Variants in LAMB1 observed in about 807,000 individuals in gnomAD.
LAMB1 encodes laminin subunit beta-1.
A neutral mutation model predicts 222.3 loss-of-function variants in LAMB1; 121 were observed. That is an observed-to-expected ratio of 0.54 (90% CI 0.47 to 0.63). LAMB1 has a LOEUF of 0.63. Ranked by LOEUF, LAMB1 falls within the 30% of genes least tolerant of loss-of-function variation. The pLI, the probability that LAMB1 is intolerant of heterozygous loss-of-function variation, is 0.00. For synonymous variants in LAMB1, 794 were observed against 807.2 expected (o/e 0.98, Z 0.28); for missense variants, 2,172 against 2,240.8 (o/e 0.97, Z 0.62).
At chr7:107,930,509 T>G (rs2032680754) in intron 29 of LAMB1, among the ~76,000 whole-genome samples, 1 of 152,246 alleles carries the variant, frequency 6.6e-6, no homozygotes, top group Non-Finnish European at 1.5e-5. Context: ...GGTAAAATTA[T>G]CAACCCAGCA....
At chr7:107,959,539 C>G in intron 19 of LAMB1, 59 bp from the exon 20 acceptor site, 1 of 1,607,452 alleles carries the variant, frequency 6.2e-7, no homozygotes. Context: ...GAAACATGCT[C>G]CTTTTATAAG....
In LAMB1 at chr7:107,972,985, C is replaced by A; in HGVS notation, c.1562+7G>T. 6.2e-7 allele frequency: 1 copy of A among 1,608,230 alleles called. No individual in the cohort carries two copies. The highest frequency in any genetic ancestry group is 8.5e-7 in the Non-Finnish European group (1 of 1,174,644). On this transcript the variant is annotated splice_region_variant and intron_variant, in intron 13 of 33. Transcript: ENST00000222399. ...GAGGACAAGAGCATACGTAGAGCTC[C>A]ATTTACCTGTTGTTTAAGGCTCCCC...
chr7:107,992,593 G>C (rs1438623248), intron 5 of LAMB1, among the ~76,000 whole-genome samples: 1 of 152,176 alleles, frequency 6.6e-6, no homozygotes, highest in Non-Finnish European at 1.5e-5. Flanking sequence ...GATTATCCCA[G>C]TTCCCAGAAC....
intron 24 of LAMB1, among the ~76,000 whole-genome samples, chr7:107,950,566 T>G (rs990377254): frequency 6.6e-6 from 1 of 152,230 alleles, no homozygotes; most frequent in African/African-American, 2.4e-5. Flanking sequence ...GTTTGTTTGT[T>G]TAATCATAAG....
chr7:108,003,080 GA>G, intron 1 of LAMB1, 30 bp downstream of exon 1: 1 of 1,235,024 alleles, frequency 8.1e-7, no homozygotes, highest in Non-Finnish European at 1.1e-6. Context: ...GGAAAGTGGG[GA>G]AAATCGTGCA....
chr7:107,942,555 C>A (rs1028423588), intron 24 of LAMB1: 1 of 152,168 alleles, frequency 6.6e-6, no homozygotes, highest in Non-Finnish European at 1.5e-5. Flanking sequence ...GGTGGTAAAT[C>A]CTGCCTTCTC....
In LAMB1 at chr7:107,984,081, A is replaced by C. The variant is rs138562805; in HGVS notation, c.676+1941T>G. 6.6e-3 allele frequency among the ~76,000 whole-genome samples: 1,012 copies of C among 152,248 alleles called. 6 individuals are homozygous for C. Among genetic ancestry groups the C allele is most frequent in the Non-Finnish European group, 1.0e-2 (679 of 68,024 alleles). On this transcript the variant is annotated intron_variant, in intron 7 of 33. Coordinates refer to ENST00000222399, the MANE Select transcript of LAMB1 (RefSeq NM_002291.3). ...TGGCAGAGACTTCTGATTTCTCTTC[A>C]GTATTCTTTCTTCCCTTGTTCCTTT... is the stretch of plus-strand genomic sequence containing the variant.
At position 107,980,859 on chromosome 7, in the gene LAMB1, AG is replaced by A. The variant is rs776525991; in HGVS notation, c.677-49del. The stretch of plus-strand genomic sequence containing the variant: ...GAAAAGTCTGATCAGACAAGCAAGA[AG>A]TTTTTTTTTTTTTCCTTGCATCATT... On this transcript the variant is annotated intron_variant, in intron 7 of 33. Transcript: ENST00000222399. 8 of 1,221,504 alleles carry A rather than the reference AG, an allele frequency of 6.5e-6. No individual in the cohort carries two copies. The Admixed American group carries it at 1.4e-4, about 22-fold the overall frequency. The allele number at this position is 1,221,504 out of a possible 1,614,324, so 75.7% of individuals were successfully genotyped here. A position where few individuals can be genotyped will look rare whatever the true frequency, so the allele number is the denominator to read the frequency against.
intron 15 of LAMB1, 23 bp downstream of exon 15, chr7:107,962,874 CCTCCACCA>C (rs770324586): frequency 1.9e-6 from 3 of 1,593,074 alleles, no homozygotes; most frequent in Non-Finnish European, 2.6e-6. Flanking sequence ...TCCCCTCCCT[CCTCCACCA>C]GTCCACTAAG....
At chr7:107,931,148 C>T (rs1277706998) in intron 29 of LAMB1, among the ~76,000 whole-genome samples, 1 of 152,078 alleles carries the variant, frequency 6.6e-6, no homozygotes, top group Non-Finnish European at 1.5e-5. Context: ...CTGAGTATCC[C>T]ATCAGGTGTG....
intron 24 of LAMB1, among the ~76,000 whole-genome samples, chr7:107,941,680 G>A (rs2032984846): frequency 2.7e-5 from 4 of 150,596 alleles, no homozygotes; most frequent in Admixed American, 2.6e-4. Context: ...TGAGACGGAG[G>A]TTTTGCTCTT....
At chr7:107,932,019 T>G (rs2032722730) in intron 28 of LAMB1, among the ~76,000 whole-genome samples, 155 bp downstream of exon 28, 1 of 152,246 alleles carries the variant, frequency 6.6e-6, no homozygotes, top group African/African-American at 2.4e-5. Flanking sequence ...CATCTCTTTC[T>G]CTGACCTCAC....
chr7:107,953,616 A>G lies in LAMB1; in HGVS notation c.2993T>C (p.Leu998Pro). ...EACDKETGRC[L>P]KCLYHTEGEH... Reference sequence around the variant, plus strand: ...CCCTTCCGTGTGGTACAGGCACTTGAGACACCTCCCAGTCTCCTTGTCACA... The same window carrying G: ...CCCTTCCGTGTGGTACAGGCACTTGGGACACCTCCCAGTCTCCTTGTCACA... The change falls in exon 22 of 34, where the codon CTC becomes CCC. Residue 998 changes from leucine (L) to proline (P), a missense_variant. Transcript: ENST00000222399. 6.2e-7 allele frequency: 1 copy of G among 1,614,160 alleles called. No homozygotes were observed. The highest frequency in any genetic ancestry group is 8.5e-7 in the Non-Finnish European group (1 of 1,180,018).
At chr7:107,982,122 T>C (rs1307594366) in intron 7 of LAMB1, among the ~76,000 whole-genome samples, 1 of 152,240 alleles carries the variant, frequency 6.6e-6, no homozygotes, top group African/African-American at 2.4e-5. Flanking sequence ...TTCTGCTTAT[T>C]GTAAATGCTG....
chr7:107,993,505 A>T (rs766966761), intron 5 of LAMB1, among the ~76,000 whole-genome samples: 1 of 152,192 alleles, frequency 6.6e-6, no homozygotes, highest in Non-Finnish European at 1.5e-5. Context: ...CTACACAAGT[A>T]AGTTCATCTT....
Position 107,978,089 on chromosome 7 carries a change from G to A in LAMB1, c.958C>T (p.Pro320Ser). ...TTTCGGCCTTCAGCAGGTCTCCAAG[G>A]TAAATCATGGTAGAAATCCATGCAG... is the stretch of plus-strand genomic sequence containing the variant. ...ELCMDFYHDL[P>S]WRPAEGRNSN... is the part of the protein sequence containing the mutation. The change falls in exon 9 of 34, where the codon CCT (proline) becomes TCT (serine). Residue 320 changes from proline to serine, a missense_variant. By Grantham distance (74) the Pro-to-Ser change is moderately conservative. Coordinates refer to ENST00000222399, the MANE Select transcript of LAMB1 (RefSeq NM_002291.3). The A allele has an allele frequency of 6.2e-7, 1 of 1,614,130 alleles. No homozygotes were observed. Among genetic ancestry groups the A allele is most frequent in the Non-Finnish European group, 8.5e-7 (1 of 1,179,998 alleles).
chr7:107,964,249 A>G (rs997510087), intron 14 of LAMB1, among the ~76,000 whole-genome samples: 3 of 152,208 alleles, frequency 2.0e-5, no homozygotes, highest in African/African-American at 7.2e-5. Context: ...TTGCCTCAGT[A>G]TTTACCATGC....
At chr7:107,998,191 A>G (rs1220485369) in intron 4 of LAMB1, among the ~76,000 whole-genome samples, 166 bp downstream of exon 4, 1 of 152,200 alleles carries the variant, frequency 6.6e-6, no homozygotes, top group Non-Finnish European at 1.5e-5. Flanking sequence ...AGGAAGAAGG[A>G]TAAGATTTTA....
At chr7:107,933,933 T>C (rs756591800) in intron 27 of LAMB1, among the ~76,000 whole-genome samples, 1 of 151,952 alleles carries the variant, frequency 6.6e-6, no homozygotes, top group Non-Finnish European at 1.5e-5. Context: ...AAAAATCCTT[T>C]AGCATGCTTA....
Sources: gnomAD v4.1 joint callset for allele counts (sites outside exome capture counted in the v4.1 genomes callset) on GRCh38, gnomAD v4.1.1 for gene constraint, MANE v1.5 for transcripts, NCBI Gene and HGNC (gene_info 2026-07-23, HGNC 2026-07-21) for gene names.